The following SPAG16 variants were observed in gnomAD, a reference collection of about 807,000 sequenced individuals.
SPAG16 encodes sperm-associated antigen 16 protein.
A neutral mutation model predicts 80.4 loss-of-function variants in SPAG16; 86 were observed. That is an observed-to-expected ratio of 1.07 (90% CI 0.90 to 1.28). SPAG16 has a LOEUF of 1.28. SPAG16 is among the 50% of genes most tolerant of loss of function. The pLI, the probability that SPAG16 is intolerant of heterozygous loss-of-function variation, is 0.00. For missense variants in SPAG16, 870 were observed against 765.3 expected, an observed-to-expected ratio of 1.14 and a Z score of -1.61; for synonymous variants, 294 against 265.9, an observed-to-expected ratio of 1.11 and a Z score of -1.03.
At chr2:214,004,617 A>G (rs10932521) in intron 12 of SPAG16, among the ~76,000 whole-genome samples, 59,703 of 151,846 alleles carry the variant, frequency 0.39, 14,664 homozygotes, top group Non-Finnish European at 0.53. Context: ...GCAGCCCTAA[A>G]AAAGGTGTCC....
chr2:213,904,648 G>A (rs2077364099), intron 11 of SPAG16, among the ~76,000 whole-genome samples: 2 of 150,952 alleles, frequency 1.3e-5, no homozygotes, highest in Non-Finnish European at 2.9e-5. Context: ...CATAGTGTTA[G>A]GGATGAGACT....
chr2:213,927,069 C>G (rs2078511782), intron 11 of SPAG16, among the ~76,000 whole-genome samples: 2 of 152,196 alleles, frequency 1.3e-5, no homozygotes, highest in African/African-American at 2.4e-5. Flanking sequence ...CCCTTCTTGC[C>G]TTGTAAATGG....
chr2:213,506,503 C>T (rs2074975188), intron 10 of SPAG16, among the ~76,000 whole-genome samples: 1 of 152,140 alleles, frequency 6.6e-6, no homozygotes, highest in Non-Finnish European at 1.5e-5. Flanking sequence ...TAATTTCCTT[C>T]TACACCTTTT....
chr2:213,622,904 T>C (rs1204000361), intron 10 of SPAG16, among the ~76,000 whole-genome samples: 9 of 152,220 alleles, frequency 5.9e-5, no homozygotes, highest in South Asian at 2.1e-4. Context: ...CCTTTCATTA[T>C]TGATGCATCG....
chr2:214,400,223 A>G (rs1701631453), intron 15 of SPAG16, among the ~76,000 whole-genome samples: 2 of 151,982 alleles, frequency 1.3e-5, no homozygotes, highest in African/African-American at 4.8e-5. Context: ...TTTTTTTGAT[A>G]TATTCACATG....
chr2:213,672,756 G>A (rs2063862054), intron 10 of SPAG16, among the ~76,000 whole-genome samples: 2 of 151,530 alleles, frequency 1.3e-5, no homozygotes, highest in Non-Finnish European at 2.9e-5. Context: ...CATCACATTG[G>A]CCCTGCTCTG....
At chr2:213,718,677 G>A (rs1450485361) in intron 10 of SPAG16, among the ~76,000 whole-genome samples, 3 of 152,172 alleles carry the variant, frequency 2.0e-5, no homozygotes, top group South Asian at 2.1e-4. Flanking sequence ...CAGCAGTGCT[G>A]GCCCACCTGC....
chr2:213,497,581 G>A (rs1199833301), intron 10 of SPAG16, among the ~76,000 whole-genome samples: 2 of 151,390 alleles, frequency 1.3e-5, no homozygotes, highest in Non-Finnish European at 2.9e-5. Flanking sequence ...TGCCCTCCTG[G>A]GACTGTAAAC....
intron 10 of SPAG16, among the ~76,000 whole-genome samples, chr2:213,521,157 G>A (rs1373096578): frequency 1.3e-5 from 2 of 152,192 alleles, no homozygotes; most frequent in African/African-American, 4.8e-5. Context: ...TAATGTCTGG[G>A]TTCTGGTTCC....
chr2:213,658,283 T>A (rs2063295067), intron 10 of SPAG16, among the ~76,000 whole-genome samples: 1 of 152,080 alleles, frequency 6.6e-6, no homozygotes, highest in South Asian at 2.1e-4. Context: ...CAGAATACTC[T>A]CCTCAGCAAT....
intron 14 of SPAG16, among the ~76,000 whole-genome samples, chr2:214,133,334 GA>G (rs970985018): frequency 1.3e-5 from 2 of 152,012 alleles, no homozygotes; most frequent in Non-Finnish European, 2.9e-5. Flanking sequence ...CCTCTGGGAA[GA>G]AAAAATCACC....
chr2:213,634,350 CTATTTA>C (rs974654412), intron 10 of SPAG16, among the ~76,000 whole-genome samples: 4 of 151,990 alleles, frequency 2.6e-5, no homozygotes, highest in African/African-American at 9.7e-5. Flanking sequence ...TTTATTGTTT[CTATTTA>C]TATCTTATTG....
intron 15 of SPAG16, among the ~76,000 whole-genome samples, chr2:214,179,719 C>A (rs1021194545): frequency 1.3e-5 from 2 of 151,350 alleles, no homozygotes; most frequent in African/African-American, 4.8e-5. Flanking sequence ...TTCTTGTGGA[C>A]AATAACTATC....
intron 15 of SPAG16, among the ~76,000 whole-genome samples, chr2:214,371,359 C>T (rs113669627): frequency 0.023 from 3,554 of 151,650 alleles, 129 homozygotes; most frequent in African/African-American, 0.079. Context: ...ATGGAGAAAT[C>T]CCATCTCTAC....
chr2:214,113,217 G>A (rs1651617411), intron 14 of SPAG16, among the ~76,000 whole-genome samples: 1 of 152,168 alleles, frequency 6.6e-6, no homozygotes, highest in Admixed American at 6.5e-5. Flanking sequence ...CCCTTTGTGG[G>A]TTACCTGACC....
intron 8 of SPAG16, among the ~76,000 whole-genome samples, chr2:213,368,011 G>A (rs1368989124): frequency 6.8e-6 from 1 of 147,424 alleles, no homozygotes; most frequent in Non-Finnish European, 1.5e-5. Context: ...CATATGGCTA[G>A]CCAGTTTTCC....
intron 15 of SPAG16, among the ~76,000 whole-genome samples, chr2:214,215,036 T>C (rs918744589): frequency 2.6e-5 from 4 of 152,050 alleles, no homozygotes; most frequent in African/African-American, 9.7e-5. Flanking sequence ...TCATAAATGT[T>C]AGTGATGACA....
intron 14 of SPAG16, among the ~76,000 whole-genome samples, chr2:214,144,783 A>G (rs1311396189): frequency 6.6e-6 from 1 of 152,134 alleles, no homozygotes; most frequent in African/African-American, 2.4e-5. Context: ...ATTTATATAT[A>G]TAACATACGT....
At chr2:213,982,610 GGTGTGTGTGTGTGTGTGT>G (rs57529616) in intron 12 of SPAG16, among the ~76,000 whole-genome samples, 8 of 141,858 alleles carry the variant, frequency 5.6e-5, no homozygotes, top group Non-Finnish European at 1.1e-4. Context: ...TATAGTTTCT[GGTGTGTGTGTGTGTGTGT>G]GTGTGTGTGT....
Sources: allele counts gnomAD v4.1 joint callset (sites outside exome capture counted in the v4.1 genomes callset), GRCh38; gene constraint gnomAD v4.1.1; transcripts MANE v1.5; gene names NCBI Gene and HGNC (gene_info 2026-07-23, HGNC 2026-07-21).